The following GIGYF2 variants were observed in gnomAD, a reference collection of about 807,000 sequenced individuals.
GIGYF2 encodes the protein GRB10 interacting GYF protein 2, also known as GRB10-interacting GYF protein 2.
Under a neutral mutation model 208.1 loss-of-function variants are expected in GIGYF2, and 25 were observed. The observed-to-expected ratio is 0.12, with a 90% CI of 0.09 to 0.17. GIGYF2 has a LOEUF of 0.17. GIGYF2 is among the 10% of genes least tolerant of loss of function. The pLI, the probability that GIGYF2 is intolerant of heterozygous loss-of-function variation, is 1.00. For synonymous variants in GIGYF2, 534 were observed against 543.8 expected (o/e 0.98, Z 0.25); for missense variants, 1,302 against 1,579.4 (o/e 0.82, Z 2.98).
At chr2:232,703,124 G>T (rs1695930416) in intron 1 of GIGYF2, among the ~76,000 whole-genome samples, 1 of 152,182 alleles carries the variant, frequency 6.6e-6, no homozygotes, top group African/African-American at 2.4e-5. Context: ...CTATAATGGG[G>T]TTTTGAATGA....
intron 3 of GIGYF2, among the ~76,000 whole-genome samples, chr2:232,745,057 G>T (rs1009676998): frequency 3.9e-5 from 6 of 152,114 alleles, no homozygotes; most frequent in Non-Finnish European, 7.4e-5. Flanking sequence ...AACTTTACAG[G>T]AATCTAATAA....
Position 232,815,626 on chromosome 2 carries a change from T to C in GIGYF2, c.2108-11T>C, listed in dbSNP as rs766424670. The C allele has an allele frequency of 7.2e-7, 1 of 1,380,504 alleles. No individual in the cohort carries two copies. Among genetic ancestry groups the C allele is most frequent in the Admixed American group, 1.7e-5 (1 of 59,726 alleles). 85.5% of individuals were successfully genotyped at this position (1,380,504 alleles called of 1,614,324 possible). On this transcript the variant is annotated splice_polypyrimidine_tract_variant and intron_variant, in intron 18 of 28. Transcript: ENST00000373563. ...CTGTCATTCCTCGTTGTTTCTTTTGTTGTCTTACAGTTTGGGAAGGTGGTA... is the reference window on the plus strand; with the variant it reads ...CTGTCATTCCTCGTTGTTTCTTTTGCTGTCTTACAGTTTGGGAAGGTGGTA...
At chr2:232,768,257 C>T in intron 8 of GIGYF2, 1 of 1,613,916 alleles carries the variant, frequency 6.2e-7, no homozygotes, top group Non-Finnish European at 8.5e-7. Flanking sequence ...TGTGGATATC[C>T]AGGTCAGTCC....
chr2:232,844,891 T>G (rs1231603620), intron 25 of GIGYF2, among the ~76,000 whole-genome samples: 1 of 152,246 alleles, frequency 6.6e-6, no homozygotes, highest in Non-Finnish European at 1.5e-5. Context: ...TCTAGATACC[T>G]TAGCATTTTT....
chr2:232,773,143 C>T (rs1699338703), intron 8 of GIGYF2, among the ~76,000 whole-genome samples: 1 of 151,906 alleles, frequency 6.6e-6, no homozygotes, highest in Non-Finnish European at 1.5e-5. Flanking sequence ...AACTTATTAC[C>T]CTAACAAGTT....
intron 8 of GIGYF2, chr2:232,771,570 T>G (rs977500590): frequency 5.8e-6 from 3 of 513,832 alleles, no homozygotes; most frequent in South Asian, 6.7e-5. Flanking sequence ...GTGTGTTACC[T>G]TAAAATATCT....
chr2:232,701,400 G>A (rs1695835105), intron 1 of GIGYF2, among the ~76,000 whole-genome samples: 1 of 148,808 alleles, frequency 6.7e-6, no homozygotes, highest in Admixed American at 6.7e-5. Context: ...AGCCGTGATT[G>A]CACCGCTGCG....
chr2:232,741,387 CTAACA>C, intron 3 of GIGYF2, among the ~76,000 whole-genome samples: 2 of 151,602 alleles, frequency 1.3e-5, no homozygotes. Flanking sequence ...GCCACCATTT[CTAACA>C]TAAATTTTTG....
chr2:232,784,675 C>G (rs575163961), intron 8 of GIGYF2, among the ~76,000 whole-genome samples: 1 of 152,134 alleles, frequency 6.6e-6, no homozygotes, highest in East Asian at 1.9e-4. Flanking sequence ...CCGCGCCTGG[C>G]CACAAAATAA....
intron 3 of GIGYF2, among the ~76,000 whole-genome samples, chr2:232,739,256 G>C (rs957791835): frequency 6.6e-6 from 1 of 151,648 alleles, no homozygotes; most frequent in Non-Finnish European, 1.5e-5. Context: ...TACTCAAGAG[G>C]CTGAGACAGG....
intron 22 of GIGYF2, 65 bp downstream of exon 22, chr2:232,833,158 C>A (rs1209337539): frequency 2.1e-6 from 2 of 952,710 alleles, no homozygotes; most frequent in Non-Finnish European, 3.3e-6. Flanking sequence ...TAGGTGCTGG[C>A]TGTACCAGTA....
intron 15 of GIGYF2, among the ~76,000 whole-genome samples, chr2:232,808,625 A>G (rs1700630228): frequency 6.6e-6 from 1 of 152,178 alleles, no homozygotes; most frequent in South Asian, 2.1e-4. Context: ...ACCCTAAGAA[A>G]TTGTGTATCA....
In GIGYF2 at chr2:232,857,084, T is replaced by C; in HGVS notation, c.*224T>C. ...GATAAGTGGACTGGACCCTGTGTCT[T>C]GGGGGTGGCAGTTGGGATTACTCCC... is the stretch of plus-strand genomic sequence containing the variant. On this transcript the variant is annotated 3_prime_UTR_variant, in exon 29 of 29. Transcript: ENST00000373563. 1.7e-6 allele frequency: 1 copy of C among 586,774 alleles called. No individual in the cohort carries two copies. Among genetic ancestry groups the C allele is most frequent in the East Asian group, 2.9e-5 (1 of 34,256 alleles). 36.3% of individuals were successfully genotyped at this position (586,774 alleles called of 1,614,324 possible). A position where few individuals can be genotyped will look rare whatever the true frequency, so the allele number is the denominator to read the frequency against.
intron 2 of GIGYF2, among the ~76,000 whole-genome samples, chr2:232,727,871 C>A (rs988451373): frequency 2.0e-5 from 3 of 152,192 alleles, no homozygotes; most frequent in African/African-American, 4.8e-5. Context: ...CTTGCACTTA[C>A]TTTGTTCAAA....
chr2:232,801,124 C>T (rs1012785200), intron 14 of GIGYF2, among the ~76,000 whole-genome samples: 1 of 152,192 alleles, frequency 6.6e-6, no homozygotes, highest in Non-Finnish European at 1.5e-5. Flanking sequence ...GAACTCCTGG[C>T]CGTAAGTGGT....
intron 21 of GIGYF2, among the ~76,000 whole-genome samples, chr2:232,823,085 G>A (rs985845449): frequency 1.3e-5 from 2 of 152,048 alleles, no homozygotes; most frequent in South Asian, 4.1e-4. Flanking sequence ...TGCTTTATCT[G>A]CATTGATTGA....
At chr2:232,769,318 G>A (rs1699122759) in intron 8 of GIGYF2, among the ~76,000 whole-genome samples, 1 of 151,942 alleles carries the variant, frequency 6.6e-6, no homozygotes, top group African/African-American at 2.4e-5. Flanking sequence ...GTCATTTGAG[G>A]TCAGGAGTTT....
chr2:232,847,237 T>A (rs1365703220), intron 26 of GIGYF2, 111 bp from the exon 27 acceptor site: 1 of 1,036,020 alleles, frequency 9.7e-7, no homozygotes, highest in East Asian at 2.4e-5. Flanking sequence ...CAAGTGTCTG[T>A]CATTAATGTT....
intron 21 of GIGYF2, among the ~76,000 whole-genome samples, chr2:232,830,285 G>A (rs926685118): frequency 6.6e-6 from 1 of 152,130 alleles, no homozygotes; most frequent in African/African-American, 2.4e-5. Context: ...GCCTGGCTCA[G>A]TATACCTGTT....
Sources: gnomAD v4.1 joint callset for allele counts (sites outside exome capture counted in the v4.1 genomes callset) on GRCh38, gnomAD v4.1.1 for gene constraint, MANE v1.5 for transcripts, NCBI Gene and HGNC (gene_info 2026-07-23, HGNC 2026-07-21) for gene names.